The following SULT1B1 variants were observed in gnomAD, a reference collection of about 807,000 sequenced individuals.
The protein encoded by SULT1B1 is sulfotransferase family 1B member 1, also known as sulfotransferase 1B1.
A neutral mutation model predicts 34.6 loss-of-function variants in SULT1B1; 28 were observed. The ratio of observed to expected loss-of-function variants is 0.81; its 90% CI spans 0.60 to 1.11. SULT1B1 has a LOEUF of 1.11. Ranked by LOEUF, SULT1B1 falls within the 50% of genes least tolerant of loss-of-function variation. The pLI, the probability that SULT1B1 is intolerant of heterozygous loss-of-function variation, is 0.00. For missense variants in SULT1B1, 374 were observed against 352.2 expected, an observed-to-expected ratio of 1.06 and a Z score of -0.50; for synonymous variants, 147 against 110.2, an observed-to-expected ratio of 1.33 and a Z score of -2.09.
rs147003554 is a variant in SULT1B1, at chr4:69,745,661, C to T, written c.375+4060G>A. ...CAGAGTTGGGTCTTGCTTCTTTATC[C>T]AACTTGCCAGTCTGTGCCTTTTAAG... On this transcript the variant is annotated intron_variant, in intron 4 of 7. Coordinates refer to ENST00000310613, the MANE Select transcript of SULT1B1 (RefSeq NM_014465.4). Among the ~76,000 whole-genome samples, 22 of 152,246 alleles carry T rather than the reference C, an allele frequency of 1.4e-4. No individual in the cohort carries two copies. In the East Asian group the frequency reaches 3.5e-3, roughly 24 times the overall value.
Position 69,755,760 on chromosome 4 carries a change from A to ATG in SULT1B1, c.-44-501_-44-500dup, listed in dbSNP as rs150339756. Among the ~76,000 whole-genome samples the ATG allele has an allele frequency of 9.3e-4, 141 of 151,432 alleles. 1 individual carries two copies. The highest frequency in any genetic ancestry group is 3.0e-3 in the African/African-American group (123 of 41,340). ...AATGTTCCTAGGTGTGGTTATTTTCATGTGTGTGTGTGTGCACGCGCGTAT... is the reference window on the plus strand; with the variant it reads ...AATGTTCCTAGGTGTGGTTATTTTCATGTGTGTGTGTGTGTGCACGCGCGTAT... On this transcript the variant is annotated intron_variant, in intron 1 of 7. Transcript: ENST00000310613.
In SULT1B1 at chr4:69,723,767, A is replaced by T. The variant is rs1717724217; in HGVS notation, c.*3321T>A. The T allele has an allele frequency of 6.6e-6, 1 of 152,246 alleles. No individual in the cohort carries two copies. Among genetic ancestry groups the T allele is most frequent in the African/African-American group, 2.4e-5 (1 of 41,460 alleles). 9.4% of individuals were successfully genotyped at this position (152,246 alleles called of 1,614,324 possible). ...ATCCAGCATATAAACAGAACCAAAG[A>T]CAAAAACCACATGATTATCTCAATA... is the stretch of plus-strand genomic sequence containing the variant. On this transcript the variant is annotated 3_prime_UTR_variant, in exon 8 of 8. Coordinates refer to ENST00000310613, the MANE Select transcript of SULT1B1 (RefSeq NM_014465.4).
At chr4:69,733,536 A>G (rs763675388) in intron 5 of SULT1B1, 29 bp from the exon 6 acceptor site, 1 of 1,469,846 alleles carries the variant, frequency 6.8e-7, no homozygotes, top group Admixed American at 2.1e-5. Flanking sequence ...CTATTTTCAT[A>G]AACATTCATC....
At chr4:69,747,327 T>G (rs1718789715) in intron 4 of SULT1B1, among the ~76,000 whole-genome samples, 3 of 152,124 alleles carry the variant, frequency 2.0e-5, no homozygotes, top group African/African-American at 7.2e-5. Flanking sequence ...GGGATCCATA[T>G]GCAAAAGCAA....
chr4:69,738,937 A>G (rs1718429127), intron 4 of SULT1B1, among the ~76,000 whole-genome samples: 1 of 152,172 alleles, frequency 6.6e-6, no homozygotes, highest in Admixed American at 6.6e-5. Context: ...GACAAATCCA[A>G]TGGGGCAGTC....
intron 7 of SULT1B1, among the ~76,000 whole-genome samples, chr4:69,729,280 C>CA (rs1717964467): frequency 6.6e-6 from 1 of 151,890 alleles, no homozygotes; most frequent in Non-Finnish European, 1.5e-5. Context: ...CAACTAAAAG[C>CA]AATAAAAAAT....
intron 7 of SULT1B1, 28 bp from the exon 8 acceptor site, chr4:69,727,228 A>G: frequency 1.3e-6 from 2 of 1,562,380 alleles, no homozygotes; most frequent in South Asian, 2.3e-5. Context: ...AACATAGGAA[A>G]GAATAAAATA....
Position 69,723,688 on chromosome 4 carries a change from G to A in SULT1B1, c.*3400C>T, listed in dbSNP as rs1194786848. On this transcript the variant is annotated 3_prime_UTR_variant, in exon 8 of 8. Coordinates refer to ENST00000310613, the MANE Select transcript of SULT1B1 (RefSeq NM_014465.4). The stretch of plus-strand genomic sequence containing the variant: ...AAAGCTTATCCACCATGATCAAGTG[G>A]GCTTCATCCCTGGGATTCAAGGCTG... The A allele has an allele frequency of 6.6e-6, 1 of 152,084 alleles. No individual in the cohort carries two copies. Among genetic ancestry groups the A allele is most frequent in the East Asian group, 1.9e-4 (1 of 5,190 alleles). The allele number at this position is 152,084 out of a possible 1,614,324, so 9.4% of individuals were successfully genotyped here. A position where few individuals can be genotyped will look rare whatever the true frequency, so the allele number is the denominator to read the frequency against.
At chr4:69,734,817 A>G (rs1167376019) in intron 4 of SULT1B1, among the ~76,000 whole-genome samples, 1 of 147,338 alleles carries the variant, frequency 6.8e-6, no homozygotes, top group Non-Finnish European at 1.5e-5. Context: ...ACTATTTTCT[A>G]CTTCGCTACT....
At chr4:69,748,259 TCA>T (rs1222760546) in intron 4 of SULT1B1, among the ~76,000 whole-genome samples, 1 of 152,028 alleles carries the variant, frequency 6.6e-6, no homozygotes, top group Non-Finnish European at 1.5e-5. Flanking sequence ...AAGATAGACG[TCA>T]GTGGAAAAAA....
chr4:69,754,929 C>G, intron 2 of SULT1B1, 131 bp from the exon 3 acceptor site: 1 of 1,256,778 alleles, frequency 8.0e-7, no homozygotes, highest in Non-Finnish European at 1.1e-6. Flanking sequence ...GCACCAAATG[C>G]CAATTTTAAT....
intron 4 of SULT1B1, among the ~76,000 whole-genome samples, chr4:69,734,754 G>A (rs1718230797): frequency 6.6e-6 from 1 of 151,436 alleles, no homozygotes. Flanking sequence ...ATATTAAAAG[G>A]CATTAAAATA....
At chr4:69,750,860 C>A (rs1053149652) in intron 3 of SULT1B1, among the ~76,000 whole-genome samples, 1 of 151,970 alleles carries the variant, frequency 6.6e-6, no homozygotes, top group Non-Finnish European at 1.5e-5. Context: ...CATCGAGAAC[C>A]GTGACTAGCA....
chr4:69,756,873 C>T (rs1029104329), intron 1 of SULT1B1, among the ~76,000 whole-genome samples: 11 of 151,998 alleles, frequency 7.2e-5, no homozygotes, highest in African/African-American at 2.4e-4. Context: ...CAACTGATTG[C>T]GTGAGTCCCA....
chr4:69,749,786 G>T lies in SULT1B1; in HGVS notation c.310C>A (p.Arg104=). 1 of 1,613,518 alleles carries T rather than the reference G, an allele frequency of 6.2e-7. No individual in the cohort carries two copies. The highest frequency in any genetic ancestry group is 8.5e-7 in the Non-Finnish European group (1 of 1,179,582). ...IEQLEKNPSP[R]IVKTHLPTDL... is the part of the protein sequence containing the mutation. Reference sequence around the variant, plus strand: ...GTCGGTAGATGTGTTTTCACAATCCGGGGTGATGGATTCTTCTCCAATTGT... The same window carrying T: ...GTCGGTAGATGTGTTTTCACAATCCTGGGTGATGGATTCTTCTCCAATTGT... The change falls in exon 4 of 8, where the codon CGG becomes AGG. Residue 104 remains arginine (R), a synonymous_variant. Coordinates refer to ENST00000310613, the MANE Select transcript of SULT1B1 (RefSeq NM_014465.4).
chr4:69,754,391 A>T (rs1033563272), intron 3 of SULT1B1, among the ~76,000 whole-genome samples: 2 of 152,306 alleles, frequency 1.3e-5, no homozygotes, highest in African/African-American at 2.4e-5. Flanking sequence ...ATCTAATCAG[A>T]CAAATTCTAC....
At chr4:69,757,346 T>G (rs1719230872) in intron 1 of SULT1B1, among the ~76,000 whole-genome samples, 2 of 152,182 alleles carry the variant, frequency 1.3e-5, no homozygotes, top group South Asian at 2.1e-4. Flanking sequence ...TAAAATAACT[T>G]TAAAGATTGC....
chr4:69,727,736 C>T (rs1389675103), intron 7 of SULT1B1, among the ~76,000 whole-genome samples: 3 of 151,902 alleles, frequency 2.0e-5, no homozygotes, highest in Non-Finnish European at 4.4e-5. Context: ...TAGGCTTGTT[C>T]TTTATTTGTA....
chr4:69,759,727 T>C (rs1424416700), intron 1 of SULT1B1, among the ~76,000 whole-genome samples: 1 of 152,194 alleles, frequency 6.6e-6, no homozygotes, highest in African/African-American at 2.4e-5. Context: ...TACTTTAAAA[T>C]CTAAAAATTA....
Sources: allele counts gnomAD v4.1 joint callset (sites outside exome capture counted in the v4.1 genomes callset), GRCh38; gene constraint gnomAD v4.1.1; transcripts MANE v1.5; gene names NCBI Gene and HGNC (gene_info 2026-07-23, HGNC 2026-07-21).